The following MINDY4 variants were observed in gnomAD, a reference collection of about 807,000 sequenced individuals.
MINDY4 encodes probable ubiquitin carboxyl-terminal hydrolase MINDY-4.
MINDY4 carries 68 observed loss-of-function variants against 87.0 expected under a neutral mutation model. The ratio of observed to expected loss-of-function variants is 0.78; its 90% CI spans 0.64 to 0.96. The LOEUF is 0.96. Ranked by LOEUF, MINDY4 falls within the 40% of genes least tolerant of loss-of-function variation. MINDY4 has a pLI of 0.00. For synonymous variants in MINDY4, 379 were observed against 363.2 expected (o/e 1.04, Z -0.50); for missense variants, 919 against 928.2 (o/e 0.99, Z 0.13).
intron 5 of MINDY4, among the ~76,000 whole-genome samples, chr7:30,798,157 C>T (rs186708476): frequency 2.3e-4 from 35 of 152,160 alleles, no homozygotes; most frequent in African/African-American, 6.0e-4. Flanking sequence ...AGCATGTTGC[C>T]GTATTGAATG....
intron 13 of MINDY4, among the ~76,000 whole-genome samples, chr7:30,861,025 G>A (rs950188990): frequency 6.6e-6 from 1 of 151,844 alleles, no homozygotes; most frequent in Non-Finnish European, 1.5e-5. Flanking sequence ...ACAGACACAC[G>A]AAAACTCACA....
At chr7:30,851,275 G>A (rs1429958667) in intron 10 of MINDY4, among the ~76,000 whole-genome samples, 1 of 152,196 alleles carries the variant, frequency 6.6e-6, no homozygotes, top group African/African-American at 2.4e-5. Context: ...GGACTCTTAG[G>A]TCAGACTCCC....
intron 17 of MINDY4, among the ~76,000 whole-genome samples, chr7:30,891,553 C>T (rs922575066): frequency 8.5e-5 from 13 of 152,304 alleles, no homozygotes; most frequent in Middle Eastern, 3.4e-3. Context: ...CCCATTGTTT[C>T]GCACTCAGCC....
At chr7:30,836,404 A>C (rs1788858162) in intron 6 of MINDY4, among the ~76,000 whole-genome samples, 1 of 152,144 alleles carries the variant, frequency 6.6e-6, no homozygotes, top group African/African-American at 2.4e-5. Context: ...GCTAAGTCTC[A>C]CTCGGCAACA....
At chr7:30,885,130 C>T (rs1383771840) in intron 17 of MINDY4, among the ~76,000 whole-genome samples, 1 of 152,250 alleles carries the variant, frequency 6.6e-6, no homozygotes, top group African/African-American at 2.4e-5. Flanking sequence ...TTGTGTAGCA[C>T]ACAGGGGCTA....
chr7:30,839,584 G>A (rs1788971112), intron 8 of MINDY4, among the ~76,000 whole-genome samples: 1 of 152,228 alleles, frequency 6.6e-6, no homozygotes. Flanking sequence ...CAGGTGCTGG[G>A]ATCCTCAGCA....
At chr7:30,825,828 A>T (rs999722217) in intron 5 of MINDY4, among the ~76,000 whole-genome samples, 1 of 152,246 alleles carries the variant, frequency 6.6e-6, no homozygotes, top group Admixed American at 6.5e-5. Context: ...CTGCCATAAC[A>T]AATTACCACA....
At chr7:30,828,846 C>A in intron 6 of MINDY4, 109 bp downstream of exon 6, 1 of 972,968 alleles carries the variant, frequency 1.0e-6, no homozygotes, top group East Asian at 2.4e-5. Flanking sequence ...CACCTGACCT[C>A]AGCGAGTGGG....
rs536104147 is a variant in MINDY4 at position 30,811,347 on chromosome 7, T to C, written c.1074-17332T>C. ...ACCTGCTTACAGCTCCCTTGTTTGC[T>C]ACCTATACTTCTTCAAATGATAAAA... On this transcript the variant is annotated intron_variant, in intron 5 of 17. Transcript: ENST00000265299. 5.3e-5 allele frequency among the ~76,000 whole-genome samples: 8 copies of C among 152,372 alleles called. No homozygotes were observed. The East Asian group carries it at 9.6e-4, about 18-fold the overall frequency.
At chr7:30,818,934 A>C (rs1788241973) in intron 5 of MINDY4, among the ~76,000 whole-genome samples, 1 of 151,638 alleles carries the variant, frequency 6.6e-6, no homozygotes, top group Non-Finnish European at 1.5e-5. Context: ...CTTCCTTTTC[A>C]CTCTTAGTAT....
chr7:30,872,737 C>A (rs981729831), intron 14 of MINDY4, among the ~76,000 whole-genome samples: 6 of 152,352 alleles, frequency 3.9e-5, no homozygotes, highest in Non-Finnish European at 7.3e-5. Flanking sequence ...CTTCCCTTTG[C>A]ATCTTTACAG....
At chr7:30,847,766 G>T (rs1225879871) in intron 9 of MINDY4, among the ~76,000 whole-genome samples, 34 of 152,052 alleles carry the variant, frequency 2.2e-4, no homozygotes, top group Admixed American at 2.2e-3. Context: ...TAGAGACAGG[G>T]TATCACTCTG....
intron 12 of MINDY4, among the ~76,000 whole-genome samples, chr7:30,855,566 T>G (rs141135035): frequency 6.6e-6 from 1 of 152,308 alleles, no homozygotes; most frequent in Non-Finnish European, 1.5e-5. Context: ...ATTGCTCAAA[T>G]GACCACAGAT....
At chr7:30,785,254 CCTCT>C (rs1275574234) in intron 3 of MINDY4, among the ~76,000 whole-genome samples, 68 of 123,988 alleles carry the variant, frequency 5.5e-4, no homozygotes, top group African/African-American at 2.3e-3. Context: ...TCTCTTACTT[CCTCT>C]CTCTCTCTCT....
intron 15 of MINDY4, among the ~76,000 whole-genome samples, chr7:30,876,921 C>A (rs1790276973): frequency 6.6e-6 from 1 of 152,060 alleles, no homozygotes. Context: ...GGGTTTTAAG[C>A]CAGGGCTCAG....
chr7:30,841,058 G>A (rs1184821431), intron 9 of MINDY4, among the ~76,000 whole-genome samples: 1 of 152,130 alleles, frequency 6.6e-6, no homozygotes, highest in African/African-American at 2.4e-5. Flanking sequence ...AGCGGGGAGG[G>A]TTCTCAGTGG....
intron 4 of MINDY4, 27 bp downstream of exon 4, chr7:30,786,019 A>G (rs1787149994): frequency 5.0e-6 from 8 of 1,612,188 alleles, no homozygotes; most frequent in Non-Finnish European, 6.8e-6. Flanking sequence ...TTCTGTTGTT[A>G]TGGGACTGGA....
At chr7:30,870,674 C>T (rs1285952332) in intron 13 of MINDY4, among the ~76,000 whole-genome samples, 1 of 152,240 alleles carries the variant, frequency 6.6e-6, no homozygotes, top group African/African-American at 2.4e-5. Flanking sequence ...TGGAAGCAGA[C>T]AGAGACTCAG....
intron 1 of MINDY4, among the ~76,000 whole-genome samples, chr7:30,776,143 T>G (rs1401148055): frequency 6.6e-6 from 1 of 152,250 alleles, no homozygotes; most frequent in African/African-American, 2.4e-5. Context: ...TACAGTTTAT[T>G]TTCAACCTAG....
Sources: gnomAD v4.1 joint callset for allele counts (sites outside exome capture counted in the v4.1 genomes callset) on GRCh38, gnomAD v4.1.1 for gene constraint, MANE v1.5 for transcripts, NCBI Gene and HGNC (gene_info 2026-07-23, HGNC 2026-07-21) for gene names.